The following PELI2 variants were observed in gnomAD, a reference collection of about 807,000 sequenced individuals.
PELI2 encodes pellino E3 ubiquitin protein ligase family member 2, also known as E3 ubiquitin-protein ligase pellino homolog 2.
PELI2 carries 23 observed loss-of-function variants against 42.3 expected under a neutral mutation model. The ratio of observed to expected loss-of-function variants is 0.54; its 90% CI spans 0.39 to 0.77. PELI2 has a LOEUF of 0.77. Ranked by LOEUF, PELI2 falls within the 30% of genes least tolerant of loss-of-function variation. The pLI is 0.00. For synonymous variants in PELI2, 245 were observed against 212.2 expected (o/e 1.15, Z -1.34); for missense variants, 463 against 553.2 (o/e 0.84, Z 1.64).
rs564035344 is a variant in PELI2, at chr14:56,240,850, A to G, written c.208-38826A>G. Among the ~76,000 whole-genome samples, 3 of 139,104 alleles carry G rather than the reference A, an allele frequency of 2.2e-5. No individual in the cohort carries two copies. In the South Asian group the frequency reaches 7.8e-4, roughly 36 times the overall value. The allele number at this position is 139,104 out of a possible 152,430, so 91.3% of individuals were successfully genotyped here. Reference sequence around the variant, plus strand: ...TGGATTTGGATCCTGCCCCCATCTGATTAGACCCAGTTGCCTTCTCTGTAA... The same window carrying G: ...TGGATTTGGATCCTGCCCCCATCTGGTTAGACCCAGTTGCCTTCTCTGTAA... On this transcript the variant is annotated intron_variant, in intron 2 of 5. Transcript: ENST00000267460.
intron 1 of PELI2, among the ~76,000 whole-genome samples, chr14:56,147,977 G>A (rs1037035574): frequency 6.6e-6 from 1 of 152,180 alleles, no homozygotes; most frequent in African/African-American, 2.4e-5. Context: ...TGCTTTAATA[G>A]CATTAGATGA....
chr14:56,194,783 C>T (rs1233049782), intron 2 of PELI2, among the ~76,000 whole-genome samples: 4 of 152,138 alleles, frequency 2.6e-5, no homozygotes, highest in African/African-American at 4.8e-5. Flanking sequence ...CCCCCCGCCC[C>T]GCCCATACCC....
chr14:56,294,302 C>T (rs1191865136), intron 5 of PELI2, among the ~76,000 whole-genome samples: 1 of 152,160 alleles, frequency 6.6e-6, no homozygotes, highest in East Asian at 1.9e-4. Context: ...GTGGAGTATT[C>T]TAGGCAGAGG....
chr14:56,238,551 C>T, intron 2 of PELI2, among the ~76,000 whole-genome samples: 1 of 152,258 alleles, frequency 6.6e-6, no homozygotes, highest in East Asian at 1.9e-4. Flanking sequence ...TAATAAAACC[C>T]TCATCCCTCC....
chr14:56,190,128 CTCT>C (rs966411784), intron 2 of PELI2, among the ~76,000 whole-genome samples: 15 of 152,252 alleles, frequency 9.9e-5, no homozygotes, highest in African/African-American at 3.4e-4. Context: ...TAAAAAAAAT[CTCT>C]TCAAGTCATT....
intron 1 of PELI2, among the ~76,000 whole-genome samples, chr14:56,144,717 ATAAAATTTTGTAAAGACATGATGAATG>A (rs1030145189): frequency 6.6e-6 from 1 of 152,252 alleles, no homozygotes; most frequent in African/African-American, 2.4e-5. Context: ...AAAGATGATT[ATAAAATTTTGTAAAGACATGATGAATG>A]TAAAATAGCA....
At chr14:56,232,245 C>T (rs1887608961) in intron 2 of PELI2, among the ~76,000 whole-genome samples, 1 of 152,106 alleles carries the variant, frequency 6.6e-6, no homozygotes, top group Non-Finnish European at 1.5e-5. Flanking sequence ...GGGAATCCTC[C>T]CTAACTCATT....
chr14:56,199,651 T>A (rs1169677459), intron 2 of PELI2, among the ~76,000 whole-genome samples: 1 of 152,226 alleles, frequency 6.6e-6, no homozygotes, highest in East Asian at 1.9e-4. Context: ...TAATGGCTAC[T>A]TTGACACATT....
At chr14:56,155,296 TC>T (rs1329600703) in intron 1 of PELI2, among the ~76,000 whole-genome samples, 2 of 152,110 alleles carry the variant, frequency 1.3e-5, no homozygotes, top group African/African-American at 4.8e-5. Flanking sequence ...TATTCCTGAT[TC>T]AGGGATAAGA....
intron 1 of PELI2, among the ~76,000 whole-genome samples, chr14:56,173,809 A>C (rs899946904): frequency 6.6e-6 from 1 of 152,204 alleles, no homozygotes; most frequent in African/African-American, 2.4e-5. Context: ...TATCGACCTA[A>C]CAGTAATCGA....
At chr14:56,169,179 G>A (rs546633624) in intron 1 of PELI2, among the ~76,000 whole-genome samples, 2 of 152,300 alleles carry the variant, frequency 1.3e-5, no homozygotes, top group African/African-American at 4.8e-5. Context: ...TCCCTGGGCT[G>A]TTCCAGCTGG....
chr14:56,279,219 A>C (rs1019921770), intron 2 of PELI2, among the ~76,000 whole-genome samples: 3 of 152,204 alleles, frequency 2.0e-5, no homozygotes, highest in African/African-American at 4.8e-5. Flanking sequence ...TAATTAGAAC[A>C]TTGACAGATT....
intron 1 of PELI2, among the ~76,000 whole-genome samples, chr14:56,161,313 G>A (rs1289491182): frequency 1.4e-5 from 2 of 147,932 alleles, no homozygotes; most frequent in Admixed American, 6.7e-5. Flanking sequence ...TTTTTTTTTG[G>A]TGGTGGTTGT....
chr14:56,286,726 T>C (rs559853433), intron 3 of PELI2, among the ~76,000 whole-genome samples: 1 of 152,256 alleles, frequency 6.6e-6, no homozygotes, highest in Admixed American at 6.5e-5. Context: ...GTGACTTAGT[T>C]TTGTTTTTTT....
chr14:56,133,882 A>G (rs1883587646), intron 1 of PELI2, among the ~76,000 whole-genome samples: 1 of 152,140 alleles, frequency 6.6e-6, no homozygotes, highest in South Asian at 2.1e-4. Context: ...CTGGCACTAC[A>G]TGGAGGGTCA....
intron 2 of PELI2, among the ~76,000 whole-genome samples, chr14:56,196,433 A>G (rs983950258): frequency 8.5e-5 from 13 of 152,198 alleles, no homozygotes; most frequent in Admixed American, 5.9e-4. Context: ...CACTATTTCT[A>G]GGTTGGTAAT....
At chr14:56,277,144 A>C (rs191160778) in intron 2 of PELI2, among the ~76,000 whole-genome samples, 22 of 152,186 alleles carry the variant, frequency 1.4e-4, no homozygotes, top group Admixed American at 1.2e-3. Context: ...CTAGGACAGA[A>C]ATCTCCAAAC....
rs1201816610 is a variant in PELI2 at position 56,118,717 on chromosome 14, C to T, written c.57C>T (p.Tyr19=). ...CCCCCAATAAGGAGCCAGTGAAATA[C>T]GGGGAGCTGGTGGTGCTCGGGTGAG... ...HCAPNKEPVK[Y]GELVVLGYNG... Residue 19 remains tyrosine, a synonymous_variant, in exon 1 of 6, where the codon TAC becomes TAT. Transcript: ENST00000267460. The T allele has an allele frequency of 6.5e-6, 10 of 1,528,764 alleles. No individual in the cohort carries two copies. The highest frequency in any genetic ancestry group is 8.8e-6 in the Non-Finnish European group (10 of 1,137,174). 94.7% of individuals were successfully genotyped at this position (1,528,764 alleles called of 1,614,324 possible).
intron 1 of PELI2, among the ~76,000 whole-genome samples, chr14:56,132,103 A>G (rs970779677): frequency 9.2e-5 from 14 of 152,152 alleles, no homozygotes; most frequent in African/African-American, 2.9e-4. Flanking sequence ...CTCCTGCCAC[A>G]TGCCATATGC....
Sources: allele counts gnomAD v4.1 joint callset (sites outside exome capture counted in the v4.1 genomes callset), GRCh38; gene constraint gnomAD v4.1.1; transcripts MANE v1.5; gene names NCBI Gene and HGNC (gene_info 2026-07-23, HGNC 2026-07-21).